The following COL11A1 variants were observed in gnomAD, a reference collection of about 807,000 sequenced individuals.
COL11A1 encodes the protein collagen alpha-1(XI) chain.
A neutral mutation model predicts 265.2 loss-of-function variants in COL11A1; 74 were observed. The ratio of observed to expected loss-of-function variants is 0.28; its 90% CI spans 0.23 to 0.34. The LOEUF is 0.34. COL11A1 is among the 10% of genes least tolerant of loss of function. The pLI is 1.00. For missense variants in COL11A1, 2,165 were observed against 2,263.6 expected, an observed-to-expected ratio of 0.96 and a Z score of 0.88; for synonymous variants, 816 against 727.6, an observed-to-expected ratio of 1.12 and a Z score of -1.96.
At chr1:103,060,013 G>T (rs1311766664) in intron 4 of COL11A1, among the ~76,000 whole-genome samples, 1 of 151,982 alleles carries the variant, frequency 6.6e-6, no homozygotes, top group African/African-American at 2.4e-5. Flanking sequence ...CAAAATTCCA[G>T]AAGTATAATA....
At chr1:103,100,446 A>C (rs1431118325) in intron 1 of COL11A1, 2 of 152,080 alleles carry the variant, frequency 1.3e-5, no homozygotes, top group African/African-American at 4.8e-5. Context: ...CTCCCCTTTC[A>C]ATCCTCCACT....
chr1:102,948,416 C>A (rs1659536680), intron 41 of COL11A1, among the ~76,000 whole-genome samples: 1 of 152,066 alleles, frequency 6.6e-6, no homozygotes, highest in African/African-American at 2.4e-5. Context: ...CCCATTGGTT[C>A]TTTCTAATGA....
chr1:103,020,175 C>G (rs1666912103), intron 9 of COL11A1, among the ~76,000 whole-genome samples: 1 of 151,876 alleles, frequency 6.6e-6, no homozygotes. Flanking sequence ...CTGACTTCCA[C>G]AATGGTTGAA....
At position 102,921,530 on chromosome 1, in the gene COL11A1, G is replaced by A. The variant is rs757330846; in HGVS notation, c.3696C>T (p.Pro1232=). The part of the protein sequence containing the change: ...GPPGPRGPQG[P]NGADGPQGPP... ...TCAGAGTTCTTACATCAGCTCCATT[G>A]GGACCTTGAGGGCCTCTTGGGCCTG... The change falls in exon 48 of 67, where the codon CCC becomes CCT. Residue 1232 remains proline, a synonymous_variant. Transcript: ENST00000370096. 1.9e-6 allele frequency: 3 copies of A among 1,613,156 alleles called. No individual in the cohort carries two copies. The highest frequency in any genetic ancestry group is 2.5e-6 in the Non-Finnish European group (3 of 1,179,380).
intron 6 of COL11A1, 103 bp from the exon 7 acceptor site, chr1:103,025,716 A>T (rs1211538184): frequency 1.3e-6 from 2 of 1,574,108 alleles, no homozygotes; most frequent in Non-Finnish European, 1.7e-6. Flanking sequence ...GTGAGTATTT[A>T]TCTAGTTGGG....
chr1:102,929,495 C>T (rs1172552947), intron 46 of COL11A1, among the ~76,000 whole-genome samples: 1 of 151,914 alleles, frequency 6.6e-6, no homozygotes, highest in Admixed American at 6.6e-5. Flanking sequence ...GTTACTGTAG[C>T]CTTGTAGTAT....
At chr1:102,914,843 G>T in intron 50 of COL11A1, 32 bp from the exon 51 acceptor site, 2 of 1,424,940 alleles carry the variant, frequency 1.4e-6, no homozygotes, top group Non-Finnish European at 2.0e-6. Context: ...AAAAGAAGAA[G>T]AAGGAAAGAA....
At chr1:102,929,046 G>T (rs1657021263) in intron 46 of COL11A1, among the ~76,000 whole-genome samples, 1 of 144,644 alleles carries the variant, frequency 6.9e-6, no homozygotes, top group Admixed American at 7.1e-5. Flanking sequence ...TAGGTTGCCT[G>T]TTCACTCTGA....
intron 31 of COL11A1, among the ~76,000 whole-genome samples, chr1:102,982,264 T>A (rs1429693030): frequency 1.3e-5 from 2 of 151,998 alleles, no homozygotes; most frequent in African/African-American, 4.8e-5. Context: ...TAAAAACAAT[T>A]CAAAGATTAT....
At chr1:102,955,562 A>T (rs559217837) in intron 41 of COL11A1, among the ~76,000 whole-genome samples, 1 of 152,264 alleles carries the variant, frequency 6.6e-6, no homozygotes, top group East Asian at 1.9e-4. Context: ...AAAACATACT[A>T]CTATATTTGT....
In COL11A1 at chr1:103,098,002, C is replaced by A. The variant is rs547482558; in HGVS notation, c.106+10071G>T. On this transcript the variant is annotated intron_variant, in intron 1 of 66. Coordinates refer to ENST00000370096, the MANE Select transcript of COL11A1 (RefSeq NM_001854.4). ...ACTCTGAGTATGGTGAAGAAAAGAA[C>A]AAAAACTAGTTGAGAGTATGACATT... Among the ~76,000 whole-genome samples, 4 of 151,842 alleles carry A rather than the reference C, an allele frequency of 2.6e-5. No individual in the cohort carries two copies. In the East Asian group the frequency reaches 5.8e-4, roughly 22 times the overall value.
chr1:103,102,910 T>A (rs981212992), intron 1 of COL11A1, among the ~76,000 whole-genome samples: 11 of 151,982 alleles, frequency 7.2e-5, no homozygotes, highest in Non-Finnish European at 2.9e-5. Context: ...AATTTTGAGA[T>A]AGAAAATCAA....
intron 66 of COL11A1, among the ~76,000 whole-genome samples, chr1:102,878,999 CT>C (rs922415156): frequency 6.6e-6 from 1 of 152,038 alleles, no homozygotes; most frequent in African/African-American, 2.4e-5. Flanking sequence ...TTTCCCAACT[CT>C]TGCTCCATTC....
At chr1:102,968,968 G>C (rs1372211898) in intron 37 of COL11A1, among the ~76,000 whole-genome samples, 1 of 152,150 alleles carries the variant, frequency 6.6e-6, no homozygotes, top group Non-Finnish European at 1.5e-5. Flanking sequence ...TTCCCAGAAA[G>C]TTATACAATG....
chr1:103,056,976 G>A (rs1474306938), intron 4 of COL11A1, among the ~76,000 whole-genome samples: 2 of 152,114 alleles, frequency 1.3e-5, no homozygotes, highest in Non-Finnish European at 2.9e-5. Flanking sequence ...AACTGCTTAG[G>A]GTGGTGGTTG....
intron 54 of COL11A1, among the ~76,000 whole-genome samples, chr1:102,901,428 G>A (rs559721346): frequency 6.6e-6 from 1 of 151,632 alleles, no homozygotes; most frequent in East Asian, 1.9e-4. Flanking sequence ...CTTGCAAAAT[G>A]TGGCCACTCA....
intron 4 of COL11A1, among the ~76,000 whole-genome samples, chr1:103,036,097 T>G (rs2102020653): frequency 6.6e-6 from 1 of 151,644 alleles, no homozygotes; most frequent in South Asian, 2.1e-4. Context: ...ATGGAATCAC[T>G]GAGGGTTTTG....
At chr1:103,089,725 C>T in intron 1 of COL11A1, among the ~76,000 whole-genome samples, 1 of 152,182 alleles carries the variant, frequency 6.6e-6, no homozygotes, top group East Asian at 1.9e-4. Context: ...AGCATTTTTC[C>T]TACCAGTTTG....
chr1:103,003,659 T>C (rs1011389104), intron 20 of COL11A1, among the ~76,000 whole-genome samples: 1 of 152,174 alleles, frequency 6.6e-6, no homozygotes, highest in Non-Finnish European at 1.5e-5. Context: ...TTCTCATTTA[T>C]TGTACATTTA....
Sources: gnomAD v4.1 joint callset for allele counts (sites outside exome capture counted in the v4.1 genomes callset) on GRCh38, gnomAD v4.1.1 for gene constraint, MANE v1.5 for transcripts, NCBI Gene and HGNC (gene_info 2026-07-23, HGNC 2026-07-21) for gene names.